The following ATF1 variants were observed in gnomAD, a reference collection of about 807,000 sequenced individuals.
ATF1 encodes activating transcription factor 1, also known as cyclic AMP-dependent transcription factor ATF-1.
In ATF1, 16 loss-of-function variants were observed where a neutral mutation model predicts 34.7. The observed-to-expected ratio is 0.46, with a 90% confidence interval of 0.31 to 0.70. The LOEUF (loss-of-function observed/expected upper bound fraction) is 0.70, where lower values mean the gene tolerates loss of function less well. ATF1 is among the 30% of genes least tolerant of loss of function. The pLI is 0.05. For missense variants in ATF1, 255 were observed against 321.6 expected, an observed-to-expected ratio of 0.79 and a Z score of 1.58; for synonymous variants, 105 against 113.1, an observed-to-expected ratio of 0.93 and a Z score of 0.46.
At chr12:50,818,981 CTGAG>C (rs1431227079) in intron 6 of ATF1, among the ~76,000 whole-genome samples, 2 of 152,160 alleles carry the variant, frequency 1.3e-5, no homozygotes, top group African/African-American at 4.8e-5. Context: ...ATGCACAGAA[CTGAG>C]TATTTGCTCA....
intron 3 of ATF1, among the ~76,000 whole-genome samples, chr12:50,808,599 G>A (rs1009109408): frequency 6.6e-6 from 1 of 151,788 alleles, no homozygotes; most frequent in Non-Finnish European, 1.5e-5. Flanking sequence ...CAAAGTGTTG[G>A]GATTACAGAT....
At chr12:50,804,355 A>C (rs78879282) in intron 3 of ATF1, among the ~76,000 whole-genome samples, 1,828 of 152,306 alleles carry the variant, frequency 0.012, 30 homozygotes, top group African/African-American at 0.041. Flanking sequence ...CCAAATGTGT[A>C]TGCATCTAAC....
intron 2 of ATF1, among the ~76,000 whole-genome samples, chr12:50,792,722 A>G (rs1221450403): frequency 6.6e-6 from 1 of 152,182 alleles, no homozygotes; most frequent in Admixed American, 6.5e-5. Context: ...AAAATAGAAG[A>G]CAATTTTAGG....
chr12:50,819,530 C>G lies in ATF1; in HGVS notation c.672-105C>G. 2.3e-6 allele frequency: 3 copies of G among 1,315,686 alleles called. No individual in the cohort carries two copies. In the Admixed American group the frequency reaches 6.5e-5, roughly 29 times the overall value. The allele number at this position is 1,315,686 out of a possible 1,614,324, so 81.5% of individuals were successfully genotyped here. ...ATGTATTCTCTGTGTGTAGATGATA[C>G]TTTAAAGAGAAAAAAAGGTGACCAC... is the stretch of plus-strand genomic sequence containing the variant. On this transcript the variant is annotated intron_variant, in intron 6 of 6. Coordinates refer to ENST00000262053, the MANE Select transcript of ATF1 (RefSeq NM_005171.5).
intron 2 of ATF1, among the ~76,000 whole-genome samples, chr12:50,783,693 C>T (rs1941121212): frequency 6.6e-6 from 1 of 151,682 alleles, no homozygotes; most frequent in South Asian, 2.1e-4. Flanking sequence ...GATGGTGAAA[C>T]CCCGTCTCTA....
At chr12:50,783,168 TATG>T (rs1364151926) in intron 2 of ATF1, among the ~76,000 whole-genome samples, 1 of 152,194 alleles carries the variant, frequency 6.6e-6, no homozygotes, top group Non-Finnish European at 1.5e-5. Flanking sequence ...TAATTTTAAA[TATG>T]GTAAGTATTA....
At chr12:50,815,506 C>G (rs749828554) in intron 6 of ATF1, among the ~76,000 whole-genome samples, 2 of 152,096 alleles carry the variant, frequency 1.3e-5, no homozygotes, top group South Asian at 2.1e-4. Context: ...CCAGCTCGGC[C>G]TCCCAAGTAG....
chr12:50,816,028 A>G (rs1011030417), intron 6 of ATF1, among the ~76,000 whole-genome samples: 1 of 152,174 alleles, frequency 6.6e-6, no homozygotes, highest in Non-Finnish European at 1.5e-5. Flanking sequence ...ATTTGAACAC[A>G]TGGAAGTAGA....
chr12:50,784,378 C>T (rs1941139192), intron 2 of ATF1, among the ~76,000 whole-genome samples: 1 of 152,058 alleles, frequency 6.6e-6, no homozygotes, highest in Non-Finnish European at 1.5e-5. Flanking sequence ...GGACAGGGGA[C>T]TTCTCTTTTT....
In ATF1 at chr12:50,811,305, G is replaced by A. The variant is rs75823146; in HGVS notation, c.328+1716G>A. Among the ~76,000 whole-genome samples the A allele has an allele frequency of 5.3e-3, 801 of 152,156 alleles. 8 individuals carry two copies. The highest frequency in any genetic ancestry group is 5.9e-3 in the Non-Finnish European group (400 of 68,018). ...GTACATATTAGTTTAATTATAGATT[G>A]TATGTATGTAATTATAGATTAGCTT... On this transcript the variant is annotated intron_variant, in intron 4 of 6. Coordinates refer to ENST00000262053, the MANE Select transcript of ATF1 (RefSeq NM_005171.5).
intron 4 of ATF1, among the ~76,000 whole-genome samples, chr12:50,813,547 C>T (rs1174660645): frequency 6.6e-6 from 1 of 152,138 alleles, no homozygotes; most frequent in East Asian, 1.9e-4. Flanking sequence ...AGTGCAGTGG[C>T]TCATGCCTGT....
At chr12:50,775,179 A>G (rs1157321107) in intron 1 of ATF1, among the ~76,000 whole-genome samples, 1 of 151,730 alleles carries the variant, frequency 6.6e-6, no homozygotes, top group Admixed American at 6.6e-5. Flanking sequence ...TGGGGGACTC[A>G]AGCAATCCTC....
chr12:50,811,071 C>G (rs1445667568), intron 4 of ATF1, among the ~76,000 whole-genome samples: 3 of 152,154 alleles, frequency 2.0e-5, no homozygotes, highest in Non-Finnish European at 4.4e-5. Flanking sequence ...CTTACTGTAC[C>G]TCAGACACAC....
chr12:50,797,788 A>G (rs1383678809), intron 3 of ATF1, among the ~76,000 whole-genome samples: 1 of 152,114 alleles, frequency 6.6e-6, no homozygotes, highest in East Asian at 1.9e-4. Context: ...TTTAAATTCA[A>G]AGAGAAAGTA....
At chr12:50,805,966 C>G (rs539124432) in intron 3 of ATF1, among the ~76,000 whole-genome samples, 69 of 152,256 alleles carry the variant, frequency 4.5e-4, no homozygotes, top group African/African-American at 1.6e-3. Flanking sequence ...GCCTGGCCAA[C>G]ATGGTGAAAC....
Sources: allele counts gnomAD v4.1 joint callset (sites outside exome capture counted in the v4.1 genomes callset), GRCh38; gene constraint gnomAD v4.1.1; transcripts MANE v1.5; gene names NCBI Gene and HGNC (gene_info 2026-07-23, HGNC 2026-07-21).